The following LRRC7 variants were observed in gnomAD, a reference collection of about 807,000 sequenced individuals.
LRRC7 encodes leucine-rich repeat-containing protein 7.
In LRRC7, 23 loss-of-function variants were observed where a neutral mutation model predicts 175.7. That is an observed-to-expected ratio of 0.13 (90% confidence interval 0.09 to 0.19). The LOEUF is 0.19. Ranked by LOEUF, LRRC7 falls within the 10% of genes least tolerant of loss-of-function variation. The probability of loss-of-function intolerance (pLI) is 1.00; values close to 1 mark genes in which losing one functional copy is unlikely to be tolerated. For synonymous variants in LRRC7, 685 were observed against 680.9 expected, an observed-to-expected ratio of 1.01 and a Z score of -0.09; for missense variants, 1,354 against 1,904.7, an observed-to-expected ratio of 0.71 and a Z score of 5.38.
intron 2 of LRRC7, among the ~76,000 whole-genome samples, chr1:69,710,803 C>T (rs1664667001): frequency 6.6e-6 from 1 of 152,114 alleles, no homozygotes; most frequent in Admixed American, 6.5e-5. Flanking sequence ...TAGATCCCTG[C>T]CCCTCAAAGA....
intron 24 of LRRC7, among the ~76,000 whole-genome samples, chr1:70,085,782 A>G (rs1440156695): frequency 6.6e-6 from 1 of 152,118 alleles, no homozygotes; most frequent in Non-Finnish European, 1.5e-5. Flanking sequence ...TCATCCCACT[A>G]TCTGAAATTA....
At chr1:69,697,536 CA>C (rs1459993265) in intron 2 of LRRC7, among the ~76,000 whole-genome samples, 4 of 152,192 alleles carry the variant, frequency 2.6e-5, no homozygotes, top group African/African-American at 7.2e-5. Context: ...TAACACAGTT[CA>C]AAGATCAAGA....
At chr1:69,692,348 C>T (rs1036330751) in intron 2 of LRRC7, among the ~76,000 whole-genome samples, 2 of 152,126 alleles carry the variant, frequency 1.3e-5, no homozygotes, top group Non-Finnish European at 2.9e-5. Flanking sequence ...GGGGAAATCC[C>T]TCTACACAGA....
chr1:70,018,346 C>T (rs1033942364), intron 14 of LRRC7, among the ~76,000 whole-genome samples: 1 of 151,854 alleles, frequency 6.6e-6, no homozygotes, highest in African/African-American at 2.4e-5. Context: ...AATTTGATAG[C>T]AAATTCCATT....
At chr1:69,675,269 T>C (rs1659612294) in intron 1 of LRRC7, among the ~76,000 whole-genome samples, 1 of 152,188 alleles carries the variant, frequency 6.6e-6, no homozygotes, top group South Asian at 2.1e-4. Context: ...CCAATAGTAA[T>C]CGTTTAAATC....
At chr1:69,759,340 G>T (rs565272010) in intron 2 of LRRC7, among the ~76,000 whole-genome samples, 2 of 151,998 alleles carry the variant, frequency 1.3e-5, no homozygotes, top group South Asian at 2.1e-4. Context: ...GCCCTGAAAG[G>T]CCTTACTGTT....
chr1:69,932,964 G>A (rs1647542683), intron 8 of LRRC7, among the ~76,000 whole-genome samples: 1 of 152,186 alleles, frequency 6.6e-6, no homozygotes, highest in African/African-American at 2.4e-5. Context: ...AACTCTCTAG[G>A]AGCATTGGCC....
chr1:69,721,501 C>T (rs77557643), intron 2 of LRRC7, among the ~76,000 whole-genome samples: 3,120 of 151,786 alleles, frequency 0.021, 89 homozygotes, highest in African/African-American at 0.071. Context: ...CTTAGTAATA[C>T]GCATTTAGGT....
chr1:69,905,478 A>C (rs548628199), intron 7 of LRRC7, among the ~76,000 whole-genome samples: 6 of 151,980 alleles, frequency 3.9e-5, no homozygotes, highest in African/African-American at 1.5e-4. Flanking sequence ...TCATTGTTCA[A>C]TTCCCACCTA....
chr1:69,875,565 C>A (rs750568765), intron 7 of LRRC7, among the ~76,000 whole-genome samples: 6 of 151,892 alleles, frequency 4.0e-5, no homozygotes, highest in Non-Finnish European at 8.8e-5. Context: ...GTTAGTGCTT[C>A]AACAATCATA....
chr1:70,098,587 GA>G (rs1292533283), intron 25 of LRRC7, among the ~76,000 whole-genome samples: 5 of 151,170 alleles, frequency 3.3e-5, no homozygotes, highest in African/African-American at 7.3e-5. Context: ...GACTAATAAA[GA>G]AAAAAAGAGA....
intron 25 of LRRC7, among the ~76,000 whole-genome samples, chr1:70,105,497 AATAT>A (rs957531704): frequency 6.6e-6 from 1 of 152,264 alleles, no homozygotes; most frequent in Non-Finnish European, 1.5e-5. Flanking sequence ...TGTCCACACA[AATAT>A]ATATATAAAC....
chr1:69,996,008 ACAGT>A (rs1344796428), intron 11 of LRRC7, among the ~76,000 whole-genome samples: 2 of 149,776 alleles, frequency 1.3e-5, no homozygotes, highest in East Asian at 3.9e-4. Flanking sequence ...GAACTAGTTT[ACAGT>A]CCCACCAACA....
At chr1:69,963,569 G>A (rs1570823560) in intron 8 of LRRC7, among the ~76,000 whole-genome samples, 1 of 152,164 alleles carries the variant, frequency 6.6e-6, no homozygotes, top group Non-Finnish European at 1.5e-5. Flanking sequence ...TACTGAAATG[G>A]CCCACAGGCT....
intron 1 of LRRC7, among the ~76,000 whole-genome samples, chr1:69,651,593 T>C (rs1655840228): frequency 6.6e-6 from 1 of 152,122 alleles, no homozygotes; most frequent in Admixed American, 6.5e-5. Flanking sequence ...CAATAATACA[T>C]GGAGCAAAAT....
chr1:69,907,267 A>G (rs535289534), intron 7 of LRRC7, among the ~76,000 whole-genome samples: 2 of 152,090 alleles, frequency 1.3e-5, no homozygotes, highest in East Asian at 1.9e-4. Context: ...TCTCCTGCCT[A>G]ATTGCCCTGG....
chr1:70,068,757 C>T (rs1265863294), intron 23 of LRRC7, among the ~76,000 whole-genome samples: 1 of 151,982 alleles, frequency 6.6e-6, no homozygotes, highest in East Asian at 1.9e-4. Context: ...CATTCTGTTG[C>T]CTAGGCAGGA....
intron 5 of LRRC7, among the ~76,000 whole-genome samples, chr1:69,829,569 T>C (rs542252434): frequency 2.7e-4 from 41 of 151,810 alleles, no homozygotes; most frequent in Non-Finnish European, 5.0e-4. Context: ...ATTTGTTCTA[T>C]GTAACTGTGT....
intron 4 of LRRC7, among the ~76,000 whole-genome samples, chr1:69,811,749 A>G (rs1202428153): frequency 6.6e-6 from 1 of 152,070 alleles, no homozygotes; most frequent in Non-Finnish European, 1.5e-5. Context: ...GGAGGGGAAC[A>G]TCACACACAG....
Sources: allele counts gnomAD v4.1 joint callset (sites outside exome capture counted in the v4.1 genomes callset), GRCh38; gene constraint gnomAD v4.1.1; transcripts MANE v1.5; gene names NCBI Gene and HGNC (gene_info 2026-07-23, HGNC 2026-07-21).